The following ARID4B variants were observed in gnomAD, a reference collection of about 807,000 sequenced individuals.
The protein encoded by ARID4B is AT-rich interactive domain-containing protein 4B.
ARID4B carries 26 observed loss-of-function variants against 147.5 expected under a neutral mutation model. That is an observed-to-expected ratio of 0.18 (90% confidence interval 0.13 to 0.24). The LOEUF (loss-of-function observed/expected upper bound fraction) is 0.24, where lower values mean the gene tolerates loss of function less well. Ranked by LOEUF, ARID4B falls within the 10% of genes least tolerant of loss-of-function variation. ARID4B has a pLI of 1.00. For missense variants in ARID4B, 1,179 were observed against 1,511.5 expected (o/e 0.78, Z 3.65); for synonymous variants, 512 against 507.9 (o/e 1.01, Z -0.11).
chr1:235,184,482 C>G (rs541835689), intron 19 of ARID4B, among the ~76,000 whole-genome samples: 13 of 152,104 alleles, frequency 8.5e-5, no homozygotes, highest in Non-Finnish European at 1.5e-4. Flanking sequence ...AATCTACCCC[C>G]CAAGGTAGTT....
At chr1:235,200,003 G>GAAAAAA (rs61519256) in intron 17 of ARID4B, among the ~76,000 whole-genome samples, 1 of 124,536 alleles carries the variant, frequency 8.0e-6, no homozygotes, top group Non-Finnish European at 1.7e-5. Flanking sequence ...AAAGAATAGG[G>GAAAAAA]AAAAAAAAAA....
chr1:235,309,062 G>A (rs1392562516), intron 2 of ARID4B, among the ~76,000 whole-genome samples: 1 of 150,600 alleles, frequency 6.6e-6, no homozygotes, highest in Non-Finnish European at 1.5e-5. Context: ...TCCCATCTAG[G>A]AAGTGAGGAG....
chr1:235,185,848 C>T (rs1664635290), intron 19 of ARID4B, among the ~76,000 whole-genome samples: 1 of 151,958 alleles, frequency 6.6e-6, no homozygotes, highest in African/African-American at 2.4e-5. Flanking sequence ...TTTTTTCATT[C>T]TTGATATTTT....
rs188133260 is a variant in ARID4B, at chr1:235,173,969, G to C, written c.3665-1205C>G. Among the ~76,000 whole-genome samples, 288 of 150,090 alleles carry C rather than the reference G, an allele frequency of 1.9e-3. 2 individuals are homozygous for C. The highest frequency in any genetic ancestry group is 5.7e-3 in the East Asian group (29 of 5,116). Reference sequence around the variant, plus strand: ...ATTTATGGCAAAACCTGTATCATCTGCACCCCTATCCATTCCTCACCCCTA... The same window carrying C: ...ATTTATGGCAAAACCTGTATCATCTCCACCCCTATCCATTCCTCACCCCTA... On this transcript the variant is annotated intron_variant, in intron 22 of 23. Transcript: ENST00000264183.
intron 8 of ARID4B, among the ~76,000 whole-genome samples, chr1:235,236,836 A>ATATATATATATATATATATATATGTATG (rs1558233414): frequency 1.2e-4 from 3 of 24,790 alleles, no homozygotes; most frequent in African/African-American, 3.8e-4. Flanking sequence ...TATAAAAAAT[A>ATATATATATATATATATATATATGTATG]TATATATATA....
intron 21 of ARID4B, 63 bp from the exon 22 acceptor site, chr1:235,175,462 G>C: frequency 7.4e-7 from 1 of 1,353,054 alleles, no homozygotes; most frequent in East Asian, 2.3e-5. Flanking sequence ...ACAGATTTTA[G>C]TAGGTAATTT....
intron 9 of ARID4B, among the ~76,000 whole-genome samples, chr1:235,232,966 T>A (rs1486000429): frequency 1.3e-5 from 2 of 152,094 alleles, no homozygotes; most frequent in African/African-American, 4.8e-5. Flanking sequence ...GCCTCCCTAG[T>A]AGCTGGAATT....
intron 2 of ARID4B, among the ~76,000 whole-genome samples, chr1:235,297,482 GA>G (rs1672818922): frequency 6.6e-6 from 1 of 152,120 alleles, no homozygotes; most frequent in Non-Finnish European, 1.5e-5. Context: ...ATAAATGTAG[GA>G]GTGATATAAT....
intron 4 of ARID4B, among the ~76,000 whole-genome samples, chr1:235,256,653 A>G (rs1183452390): frequency 6.6e-6 from 1 of 152,236 alleles, no homozygotes; most frequent in East Asian, 1.9e-4. Context: ...TAGTGGCTCC[A>G]AAGAAGTAAG....
chr1:235,199,392 T>C (rs1665725484), intron 17 of ARID4B, among the ~76,000 whole-genome samples: 1 of 152,220 alleles, frequency 6.6e-6, no homozygotes, highest in African/African-American at 2.4e-5. Context: ...TTATGCTCTT[T>C]GTATAAAACA....
intron 2 of ARID4B, among the ~76,000 whole-genome samples, chr1:235,316,736 T>C (rs1325771418): frequency 6.6e-6 from 1 of 151,784 alleles, no homozygotes; most frequent in Non-Finnish European, 1.5e-5. Flanking sequence ...GAAGAATCGT[T>C]TGAATCCGGG....
At chr1:235,281,236 A>G (rs1671652054) in intron 2 of ARID4B, among the ~76,000 whole-genome samples, 1 of 151,972 alleles carries the variant, frequency 6.6e-6, no homozygotes, top group Non-Finnish European at 1.5e-5. Flanking sequence ...TGGGCAACAT[A>G]GGGAAACTGC....
intron 2 of ARID4B, among the ~76,000 whole-genome samples, chr1:235,289,036 A>G (rs1672160238): frequency 6.6e-6 from 1 of 152,240 alleles, no homozygotes; most frequent in Admixed American, 6.5e-5. Context: ...TTAAAAACAC[A>G]CAACCCTGGC....
chr1:235,230,836 T>C (rs1668172165), intron 10 of ARID4B, among the ~76,000 whole-genome samples: 1 of 151,488 alleles, frequency 6.6e-6, no homozygotes, highest in African/African-American at 2.4e-5. Flanking sequence ...GGCAAGAGAA[T>C]TGCTTGAACC....
rs1392127057 is a variant in ARID4B, at chr1:235,303,375, T to TG, written c.6+23538dup. ...CCTTTTTTAAATTAAAAACTAGAGG[T>TG]GGGGGAAAAAAAAAAAAGCAAAGCA... On this transcript the variant is annotated intron_variant, in intron 2 of 23. Coordinates refer to ENST00000264183, the MANE Select transcript of ARID4B (RefSeq NM_016374.6). 2.7e-3 allele frequency among the ~76,000 whole-genome samples: 391 copies of TG among 144,152 alleles called. 1 individual carries two copies. Among genetic ancestry groups the TG allele is most frequent in the African/African-American group, 9.8e-3 (378 of 38,604 alleles). The allele number at this position is 144,152 out of a possible 152,430, so 94.6% of individuals were successfully genotyped here. A position where few individuals can be genotyped will look rare whatever the true frequency, so the allele number is the denominator to read the frequency against.
intron 5 of ARID4B, among the ~76,000 whole-genome samples, chr1:235,255,263 A>ATCGATCTATCTATCTATC (rs746915541): frequency 1.1e-4 from 10 of 90,740 alleles, no homozygotes; most frequent in Admixed American, 4.6e-4. Flanking sequence ...AGATAGATAG[A>ATCGATCTATCTATCTATC]TATATATCTC....
Position 235,215,955 on chromosome 1 carries a change from T to C in ARID4B, c.1584-1929A>G, listed in dbSNP as rs147739019. On this transcript the variant is annotated intron_variant, in intron 16 of 23. Transcript: ENST00000264183. ...TGAAAATTTCAGCTTTATATCTCTA[T>C]ATGCAACCTTTTTAGGGATAATATA... is the stretch of plus-strand genomic sequence containing the variant. 5.9e-3 allele frequency among the ~76,000 whole-genome samples: 898 copies of C among 152,088 alleles called. 13 individuals are homozygous for C. The highest frequency in any genetic ancestry group is 0.021 in the African/African-American group (854 of 41,488).
chr1:235,290,500 C>T (rs1672266991), intron 2 of ARID4B, among the ~76,000 whole-genome samples: 1 of 151,454 alleles, frequency 6.6e-6, no homozygotes, highest in East Asian at 1.9e-4. Flanking sequence ...CCTACAGATA[C>T]TCTTACAGAT....
intron 6 of ARID4B, among the ~76,000 whole-genome samples, chr1:235,250,625 G>A (rs1359728714): frequency 2.0e-5 from 3 of 152,128 alleles, no homozygotes; most frequent in Non-Finnish European, 4.4e-5. Context: ...ATGTTTACAT[G>A]GGTTGGCTTA....
Sources: allele counts gnomAD v4.1 joint callset (sites outside exome capture counted in the v4.1 genomes callset), GRCh38; gene constraint gnomAD v4.1.1; transcripts MANE v1.5; gene names NCBI Gene and HGNC (gene_info 2026-07-23, HGNC 2026-07-21).